ATP1B3: variants seen among roughly 807,000 people sequenced by gnomAD.
The protein encoded by ATP1B3 is sodium/potassium-transporting ATPase subunit beta-3.
A neutral mutation model predicts 30.2 loss-of-function variants in ATP1B3; 10 were observed. That is an observed-to-expected ratio of 0.33 (90% confidence interval 0.20 to 0.56). The LOEUF (loss-of-function observed/expected upper bound fraction) is 0.56, where lower values mean the gene tolerates loss of function less well. Among genes scored for constraint, ATP1B3 ranks in the 20% least tolerant of loss-of-function variants. ATP1B3 has a pLI of 0.90. For synonymous variants in ATP1B3, 113 were observed against 117.0 expected (o/e 0.97, Z 0.22); for missense variants, 238 against 336.7 (o/e 0.71, Z 2.29).
intron 1 of ATP1B3, among the ~76,000 whole-genome samples, chr3:141,889,944 A>G (rs1355818310): frequency 1.3e-5 from 2 of 150,992 alleles, no homozygotes. Flanking sequence ...ATATTGTACA[A>G]TCATACAAAA....
chr3:141,917,664 A>T (rs1934490081), intron 5 of ATP1B3, among the ~76,000 whole-genome samples: 1 of 152,104 alleles, frequency 6.6e-6, no homozygotes, highest in Non-Finnish European at 1.5e-5. Flanking sequence ...TCTGCACTCC[A>T]GCCTGTTGGC....
chr3:141,891,314 A>C (rs940422200), intron 1 of ATP1B3, among the ~76,000 whole-genome samples: 1 of 152,210 alleles, frequency 6.6e-6, no homozygotes, highest in Non-Finnish European at 1.5e-5. Context: ...AAATAGTGCA[A>C]GCCTTATAAA....
chr3:141,894,988 G>A (rs13061474), intron 1 of ATP1B3, among the ~76,000 whole-genome samples: 17,572 of 151,922 alleles, frequency 0.12, 1,416 homozygotes, highest in East Asian at 0.39. Flanking sequence ...ATTGTGTTGC[G>A]ACATCACTAG....
At chr3:141,883,517 A>G (rs1933772448) in intron 1 of ATP1B3, among the ~76,000 whole-genome samples, 1 of 152,182 alleles carries the variant, frequency 6.6e-6, no homozygotes, top group African/African-American at 2.4e-5. Flanking sequence ...GCCTATCTAA[A>G]AAAAAGTTAA....
chr3:141,896,933 T>C (rs1934077270), intron 1 of ATP1B3, among the ~76,000 whole-genome samples: 1 of 152,174 alleles, frequency 6.6e-6, no homozygotes, highest in South Asian at 2.1e-4. Flanking sequence ...GTTTAGACTT[T>C]CCTATTACAA....
chr3:141,896,009 T>C (rs989573132), intron 1 of ATP1B3, among the ~76,000 whole-genome samples: 1 of 152,162 alleles, frequency 6.6e-6, no homozygotes. Flanking sequence ...ATTTTTGCAA[T>C]CCTTACATCT....
chr3:141,908,429 T>A (rs1017096831), intron 3 of ATP1B3, among the ~76,000 whole-genome samples: 3 of 152,172 alleles, frequency 2.0e-5, no homozygotes, highest in Non-Finnish European at 4.4e-5. Flanking sequence ...TTATCTCATC[T>A]CCCACCCCGT....
intron 1 of ATP1B3, among the ~76,000 whole-genome samples, chr3:141,886,722 A>G (rs1487596127): frequency 1.3e-5 from 2 of 152,188 alleles, no homozygotes; most frequent in East Asian, 1.9e-4. Context: ...GTTCAGCCAG[A>G]TGTGATGGCT....
At chr3:141,909,241 G>A (rs1233435458) in intron 3 of ATP1B3, among the ~76,000 whole-genome samples, 2 of 152,194 alleles carry the variant, frequency 1.3e-5, no homozygotes, top group African/African-American at 4.8e-5. Context: ...TAAAAGGTCT[G>A]CAATGAAGTG....
At chr3:141,922,806 A>G (rs1374793346) in intron 6 of ATP1B3, among the ~76,000 whole-genome samples, 2 of 150,326 alleles carry the variant, frequency 1.3e-5, no homozygotes, top group Non-Finnish European at 3.0e-5. Flanking sequence ...TCTACTAAAA[A>G]TTACAAAAAA....
At chr3:141,921,130 G>T (rs1248414012) in intron 5 of ATP1B3, among the ~76,000 whole-genome samples, 1 of 151,950 alleles carries the variant, frequency 6.6e-6, no homozygotes, top group African/African-American at 2.4e-5. Context: ...CTAGTGTTCC[G>T]TAAGCCCAGC....
chr3:141,908,569 A>G (rs1370610629), intron 3 of ATP1B3, among the ~76,000 whole-genome samples: 1 of 152,220 alleles, frequency 6.6e-6, no homozygotes, highest in Non-Finnish European at 1.5e-5. Context: ...ATAAAGCCAT[A>G]TAATTACTGG....
intron 3 of ATP1B3, among the ~76,000 whole-genome samples, chr3:141,908,632 A>C (rs1934305271): frequency 6.6e-6 from 1 of 152,172 alleles, no homozygotes; most frequent in African/African-American, 2.4e-5. Context: ...GAGCAGGACT[A>C]ATTAGCACTG....
chr3:141,912,725 C>T (rs1934388952), intron 3 of ATP1B3, among the ~76,000 whole-genome samples: 1 of 152,206 alleles, frequency 6.6e-6, no homozygotes, highest in Admixed American at 6.5e-5. Context: ...CAGGCTTGCT[C>T]ACTTTGTGCC....
intron 4 of ATP1B3, 64 bp from the exon 5 acceptor site, chr3:141,915,906 G>C: frequency 1.5e-6 from 2 of 1,319,942 alleles, no homozygotes; most frequent in African/African-American, 2.9e-5. Flanking sequence ...CCCAGCAACA[G>C]AGGGAGGAAG....
At chr3:141,878,669 A>G (rs746254383) in intron 1 of ATP1B3, among the ~76,000 whole-genome samples, 11 of 152,230 alleles carry the variant, frequency 7.2e-5, no homozygotes, top group East Asian at 1.9e-4. Context: ...ATAGAGAGCA[A>G]TGTGTAAGGA....
At chr3:141,882,557 A>G (rs1000653487) in intron 1 of ATP1B3, among the ~76,000 whole-genome samples, 1 of 152,170 alleles carries the variant, frequency 6.6e-6, no homozygotes, top group African/African-American at 2.4e-5. Flanking sequence ...GGGACTCCCA[A>G]AGCTGCATAT....
chr3:141,912,309 G>C (rs1529580), intron 3 of ATP1B3, among the ~76,000 whole-genome samples: 133,088 of 152,130 alleles, frequency 0.87, 58,512 homozygotes, highest in African/African-American at 0.97. Context: ...GAGCCTCACT[G>C]TGTCGCCCAG....
At chr3:141,911,889 G>A (rs1048806711) in intron 3 of ATP1B3, among the ~76,000 whole-genome samples, 13 of 152,156 alleles carry the variant, frequency 8.5e-5, no homozygotes, top group African/African-American at 2.7e-4. Context: ...CATGCCTTCT[G>A]CATAATCTTA....
Sources: allele counts gnomAD v4.1 joint callset (sites outside exome capture counted in the v4.1 genomes callset), GRCh38; gene constraint gnomAD v4.1.1; transcripts MANE v1.5; gene names NCBI Gene and HGNC (gene_info 2026-07-23, HGNC 2026-07-21).